CAMSAP1: variants seen among roughly 807,000 people sequenced by gnomAD.
The protein encoded by CAMSAP1 is calmodulin-regulated spectrin-associated protein 1.
Under a neutral mutation model 143.5 loss-of-function variants are expected in CAMSAP1, and 58 were observed. That is an observed-to-expected ratio of 0.40 (90% CI 0.33 to 0.50). CAMSAP1 has a LOEUF of 0.50. Ranked by LOEUF, CAMSAP1 falls within the 20% of genes least tolerant of loss-of-function variation. The pLI is 0.45. For missense variants in CAMSAP1, 1,969 were observed against 2,115.7 expected, an observed-to-expected ratio of 0.93 and a Z score of 1.36; for synonymous variants, 945 against 859.3, an observed-to-expected ratio of 1.10 and a Z score of -1.74.
chr9:135,830,754 G>A (rs1414962546), intron 7 of CAMSAP1, among the ~76,000 whole-genome samples: 1 of 152,136 alleles, frequency 6.6e-6, no homozygotes, highest in Non-Finnish European at 1.5e-5. Flanking sequence ...TTTTTCTCAA[G>A]CACATGGGAC....
chr9:135,870,194 G>A (rs1010062409), intron 3 of CAMSAP1, among the ~76,000 whole-genome samples: 16 of 152,300 alleles, frequency 1.1e-4, no homozygotes, highest in East Asian at 1.9e-4. Flanking sequence ...AGGGAGGGAC[G>A]AGGTGGGAGG....
intron 1 of CAMSAP1, among the ~76,000 whole-genome samples, chr9:135,894,412 G>A (rs1340816695): frequency 6.6e-6 from 1 of 152,206 alleles, no homozygotes; most frequent in Non-Finnish European, 1.5e-5. Context: ...CGGTGATGCT[G>A]AAATGTTCCA....
intron 7 of CAMSAP1, chr9:135,836,755 T>C (rs1453562981): frequency 1.0e-6 from 1 of 969,366 alleles, no homozygotes; most frequent in East Asian, 1.2e-4. Context: ...CCACACATTG[T>C]CACGTACCTT....
At position 135,827,580 on chromosome 9, in the gene CAMSAP1, T is replaced by C. The variant is rs1415989020; in HGVS notation, c.1050A>G (p.Lys350=). 1 of 1,563,938 alleles carries C rather than the reference T, an allele frequency of 6.4e-7. No homozygotes were observed. The highest frequency in any genetic ancestry group is 1.8e-5 in the Admixed American group (1 of 55,692). ...GGCTGCTCTTCTGGTGTAACACTGT[T>C]TTCGCTGCAGAAATAGCGTTTTTGC... ...PRDVQELKDA[K]TVLHQKSSRP... Residue 350 remains lysine, a synonymous_variant, in exon 8 of 17, where the codon AAA becomes AAG. Coordinates refer to ENST00000389532, the MANE Select transcript of CAMSAP1 (RefSeq NM_015447.4).
intron 1 of CAMSAP1, among the ~76,000 whole-genome samples, chr9:135,893,182 A>G (rs1051464543): frequency 7.2e-5 from 11 of 151,852 alleles, no homozygotes; most frequent in Non-Finnish European, 1.2e-4. Flanking sequence ...GAAGAAAAGA[A>G]GAGAAGAGAG....
chr9:135,821,541 T>A lies in CAMSAP1; in HGVS notation c.3120A>T (p.Lys1040Asn), dbSNP rs201955065. ...TISTLQQAIL[K>N]ISQQQEQLLM... Reference sequence around the variant, plus strand: ...GAAGCTGCTCTTGCTGCTGAGAGATTTTCAGGATGGCCTGCTGCAGCGTAC... The same window carrying A: ...GAAGCTGCTCTTGCTGCTGAGAGATATTCAGGATGGCCTGCTGCAGCGTAC... The change falls in exon 11 of 17, where the codon AAA becomes AAT. Residue 1040 changes from lysine (K) to asparagine (N), a missense_variant. Around this residue, in one of 4 missense-constraint regions of CAMSAP1, gnomAD observed 1,390 missense variants for 1,420.8 expected, o/e 0.98. Coordinates refer to ENST00000389532, the MANE Select transcript of CAMSAP1 (RefSeq NM_015447.4). The surrounding 1 kb of genome is among the most constrained non-coding windows in gnomAD (Gnocchi z 4.6). 6.2e-7 allele frequency: 1 copy of A among 1,614,016 alleles called. No individual in the cohort carries two copies. Among genetic ancestry groups the A allele is most frequent in the African/African-American group, 1.3e-5 (1 of 75,052 alleles).
intron 5 of CAMSAP1, among the ~76,000 whole-genome samples, chr9:135,858,813 C>T (rs1431686889): frequency 1.3e-5 from 2 of 152,210 alleles, no homozygotes; most frequent in Non-Finnish European, 2.9e-5. Context: ...TGGTGCAAGT[C>T]CCAGAGTCTA....
chr9:135,841,102 G>A (rs1390791104), intron 7 of CAMSAP1, among the ~76,000 whole-genome samples: 1 of 152,192 alleles, frequency 6.6e-6, no homozygotes, highest in East Asian at 1.9e-4. Flanking sequence ...CCACTGGCTT[G>A]AAATTCTCGC....
chr9:135,843,936 G>A (rs1383571037), intron 7 of CAMSAP1, among the ~76,000 whole-genome samples: 3 of 150,568 alleles, frequency 2.0e-5, no homozygotes, highest in African/African-American at 7.3e-5. Flanking sequence ...CCCCAATAGA[G>A]GAGCACCCAG....
intron 3 of CAMSAP1, among the ~76,000 whole-genome samples, chr9:135,875,992 G>A (rs1055611919): frequency 6.6e-6 from 1 of 152,222 alleles, no homozygotes; most frequent in African/African-American, 2.4e-5. Context: ...GTCTTGCTCT[G>A]TCACCCAGAC....
intron 4 of CAMSAP1, among the ~76,000 whole-genome samples, chr9:135,866,090 C>CCA (rs1249738852): frequency 6.6e-6 from 1 of 152,216 alleles, no homozygotes; most frequent in Admixed American, 6.5e-5. Context: ...ACCTCATGAG[C>CCA]CACTTAAGGA....
At position 135,808,517 on chromosome 9, in the gene CAMSAP1, AAAT is replaced by A. The variant is rs2131623731; in HGVS notation, c.*2789_*2791del. ...TTTTAACAGAAAATTTTATTTCAAT[AAAT>A]ATTTTGCCCTCCAAGTGACAACTAC... On this transcript the variant is annotated 3_prime_UTR_variant, in exon 17 of 17. Coordinates refer to ENST00000389532, the MANE Select transcript of CAMSAP1 (RefSeq NM_015447.4). 1 of 152,380 alleles carries A rather than the reference AAAT, an allele frequency of 6.6e-6. No individual in the cohort carries two copies. Among genetic ancestry groups the A allele is most frequent in the South Asian group, 2.1e-4 (1 of 4,832 alleles). The allele number at this position is 152,380 out of a possible 1,614,324, so 9.4% of individuals were successfully genotyped here.
chr9:135,850,559 G>T, intron 5 of CAMSAP1, 98 bp from the exon 6 acceptor site: 1 of 939,838 alleles, frequency 1.1e-6, no homozygotes, highest in Non-Finnish European at 1.5e-6. Flanking sequence ...CATAAAGGTA[G>T]TAATGAAGAT....
intron 7 of CAMSAP1, among the ~76,000 whole-genome samples, chr9:135,832,407 G>A (rs1835887183): frequency 6.6e-6 from 1 of 152,060 alleles, no homozygotes; most frequent in African/African-American, 2.4e-5. Context: ...GGTATAGAAG[G>A]AGCTTACCTC....
Position 135,907,411 on chromosome 9 carries a change from G to C in CAMSAP1, c.-252C>G, listed in dbSNP as rs1385515729. Reference sequence around the variant, plus strand: ...GCGGCCCAAAGAGGCGGCGGCAGGAGGGCGCGGGCCGGGGGCGGGGGCGGG... The same window carrying C: ...GCGGCCCAAAGAGGCGGCGGCAGGACGGCGCGGGCCGGGGGCGGGGGCGGG... On this transcript the variant is annotated 5_prime_UTR_variant, in exon 1 of 17. Transcript: ENST00000389532. Among the ~76,000 whole-genome samples the C allele has an allele frequency of 6.8e-6, 1 of 146,202 alleles. No homozygotes were observed. Among genetic ancestry groups the C allele is most frequent in the Non-Finnish European group, 1.5e-5 (1 of 65,800 alleles).
intron 7 of CAMSAP1, among the ~76,000 whole-genome samples, chr9:135,830,628 G>T (rs1266721845): frequency 1.3e-5 from 2 of 152,148 alleles, no homozygotes; most frequent in Non-Finnish European, 2.9e-5. Flanking sequence ...AGAATATCCA[G>T]ACAGGATATT....
At chr9:135,814,031 A>G (rs544088886) in intron 16 of CAMSAP1, among the ~76,000 whole-genome samples, 2 of 152,168 alleles carry the variant, frequency 1.3e-5, no homozygotes, top group South Asian at 4.2e-4. Context: ...TCGACTCCAC[A>G]CTGAGGGCCA....
At chr9:135,874,478 A>AG (rs11440001) in intron 3 of CAMSAP1, among the ~76,000 whole-genome samples, 68,569 of 98,044 alleles carry the variant, frequency 0.7, 24,561 homozygotes, top group East Asian at 0.87. Context: ...GTCTCAAAAA[A>AG]GGGGGGGGGG....
chr9:135,835,693 T>C (rs867316075), intron 7 of CAMSAP1, among the ~76,000 whole-genome samples: 7 of 152,328 alleles, frequency 4.6e-5, no homozygotes, highest in African/African-American at 1.4e-4. Context: ...AAAATTATTT[T>C]GATGGCTGGG....
Sources: allele counts gnomAD v4.1 joint callset (sites outside exome capture counted in the v4.1 genomes callset), GRCh38; gene constraint gnomAD v4.1.1; regional missense constraint gnomAD v4.1.1; non-coding constraint Gnocchi (gnomAD v3.1); transcripts MANE v1.5; gene names NCBI Gene and HGNC (gene_info 2026-07-23, HGNC 2026-07-21).